The following DPP10 variants were observed in gnomAD, a reference collection of about 807,000 sequenced individuals.
DPP10 encodes the protein dipeptidyl peptidase like 10.
Under a neutral mutation model 120.9 loss-of-function variants are expected in DPP10, and 33 were observed. The ratio of observed to expected loss-of-function variants is 0.27; its 90% CI spans 0.21 to 0.37. DPP10 has a LOEUF of 0.37. Among genes scored for constraint, DPP10 ranks in the 10% least tolerant of loss-of-function variants. The pLI is 1.00. For synonymous variants in DPP10, 337 were observed against 326.1 expected, an observed-to-expected ratio of 1.03 and a Z score of -0.36; for missense variants, 816 against 942.8, an observed-to-expected ratio of 0.87 and a Z score of 1.76.
chr2:115,772,060 A>G (rs547731942), intron 13 of DPP10, among the ~76,000 whole-genome samples: 48 of 152,156 alleles, frequency 3.2e-4, no homozygotes, highest in Middle Eastern at 3.4e-3. Flanking sequence ...GGATACAAAT[A>G]AAAAGAGAAA....
intron 1 of DPP10, among the ~76,000 whole-genome samples, chr2:114,509,324 T>A (rs1254187454): frequency 3.9e-5 from 6 of 152,346 alleles, no homozygotes; most frequent in African/African-American, 1.2e-4. Flanking sequence ...GAATCCTAAC[T>A]ACCTACCTAC....
Position 114,442,652 on chromosome 2 carries a change from A to C in DPP10, c.-127A>C. 9.7e-7 allele frequency: 1 copy of C among 1,029,658 alleles called. No individual in the cohort carries two copies. Among genetic ancestry groups the C allele is most frequent in the Non-Finnish European group, 1.5e-6 (1 of 682,004 alleles). 63.8% of individuals were successfully genotyped at this position (1,029,658 alleles called of 1,614,324 possible). On this transcript the variant is annotated 5_prime_UTR_variant, in exon 1 of 26. Transcript: ENST00000410059. The stretch of plus-strand genomic sequence containing the variant: ...GAAGCAGCAGAAACAGAAGCAGCAG[A>C]AGCAACAGCAGTAGCAGCGGCAGCA...
At chr2:114,536,293 C>T (rs1404977125) in intron 1 of DPP10, among the ~76,000 whole-genome samples, 1 of 152,160 alleles carries the variant, frequency 6.6e-6, no homozygotes, top group African/African-American at 2.4e-5. Context: ...AATGTTTTAC[C>T]CATTTCCATA....
chr2:115,563,978 C>G (rs2080843506), intron 5 of DPP10, among the ~76,000 whole-genome samples: 1 of 152,022 alleles, frequency 6.6e-6, no homozygotes, highest in Non-Finnish European at 1.5e-5. Context: ...ATTTGTAGGA[C>G]CTTGATAACA....
chr2:115,725,637 A>G (rs2092749272), intron 7 of DPP10, among the ~76,000 whole-genome samples: 1 of 152,122 alleles, frequency 6.6e-6, no homozygotes, highest in Non-Finnish European at 1.5e-5. Context: ...TTTGACTTAG[A>G]TTTTATTCCC....
chr2:115,103,001 T>C (rs2048767839), intron 1 of DPP10, among the ~76,000 whole-genome samples: 1 of 152,200 alleles, frequency 6.6e-6, no homozygotes, highest in African/African-American at 2.4e-5. Flanking sequence ...GTTCTTGTTA[T>C]GTTAGAAATA....
chr2:115,449,420 A>G (rs1321051032), intron 3 of DPP10, among the ~76,000 whole-genome samples: 2 of 152,136 alleles, frequency 1.3e-5, no homozygotes, highest in African/African-American at 4.8e-5. Context: ...TTATTGAGAC[A>G]ATTCTATTAA....
At chr2:115,717,953 C>T (rs1429805053) in intron 7 of DPP10, among the ~76,000 whole-genome samples, 2 of 152,028 alleles carry the variant, frequency 1.3e-5, no homozygotes, top group Non-Finnish European at 2.9e-5. Context: ...TCACATAATA[C>T]AAGGATCCTC....
chr2:114,740,146 G>T lies in DPP10; in HGVS notation c.60+297308G>T, dbSNP rs569402540. ...TGATAGACTGGATTAAGAAAATGTG[G>T]CACATATACACCATGGAATACTATG... On this transcript the variant is annotated intron_variant, in intron 1 of 25. Coordinates refer to ENST00000410059, the MANE Select transcript of DPP10 (RefSeq NM_020868.6). 2.0e-5 allele frequency among the ~76,000 whole-genome samples: 3 copies of T among 151,170 alleles called. No homozygotes were observed. In the South Asian group the frequency reaches 6.3e-4, roughly 32 times the overall value.
intron 1 of DPP10, among the ~76,000 whole-genome samples, chr2:114,607,503 T>C (rs1692915638): frequency 6.6e-6 from 1 of 152,202 alleles, no homozygotes; most frequent in Admixed American, 6.5e-5. Context: ...CTGTAGCTGA[T>C]TCATGCAAAT....
chr2:114,668,392 C>A (rs1417246217), intron 1 of DPP10, among the ~76,000 whole-genome samples: 1 of 152,192 alleles, frequency 6.6e-6, no homozygotes, highest in East Asian at 1.9e-4. Flanking sequence ...TTTTTATTCT[C>A]TTCAGGCCTT....
intron 15 of DPP10, among the ~76,000 whole-genome samples, chr2:115,778,675 T>C (rs1682405726): frequency 1.3e-5 from 2 of 152,064 alleles, no homozygotes; most frequent in African/African-American, 4.8e-5. Flanking sequence ...TCTTACCGAG[T>C]AGTACTGACT....
At chr2:114,703,154 T>A (rs1700486088) in intron 1 of DPP10, among the ~76,000 whole-genome samples, 1 of 152,072 alleles carries the variant, frequency 6.6e-6, no homozygotes. Context: ...ATATGGAAAG[T>A]TATATGTTGT....
At chr2:114,450,887 C>A (rs553823539) in intron 1 of DPP10, among the ~76,000 whole-genome samples, 3 of 152,044 alleles carry the variant, frequency 2.0e-5, no homozygotes, top group African/African-American at 7.2e-5. Context: ...TTCAGGGGGA[C>A]TGTTTGTTCT....
At chr2:115,358,788 A>G (rs116700755) in intron 3 of DPP10, among the ~76,000 whole-genome samples, 1 of 152,148 alleles carries the variant, frequency 6.6e-6, no homozygotes. Flanking sequence ...GGCAACTTAC[A>G]ATTATGGTAG....
chr2:115,204,580 G>T (rs138489973), intron 1 of DPP10, among the ~76,000 whole-genome samples: 1 of 152,108 alleles, frequency 6.6e-6, no homozygotes, highest in Non-Finnish European at 1.5e-5. Context: ...TTTAGAAATG[G>T]GAATCTGAGG....
In DPP10 at chr2:115,774,566, G is replaced by A. The variant is rs147880655; in HGVS notation, c.1222-2642G>A. Among the ~76,000 whole-genome samples the A allele has an allele frequency of 7.8e-4, 119 of 152,174 alleles. 1 individual carries two copies. Among genetic ancestry groups the A allele is most frequent in the Non-Finnish European group, 1.2e-3 (84 of 67,996 alleles). On this transcript the variant is annotated intron_variant, in intron 13 of 25. Transcript: ENST00000410059. ...GCAGTTCTCATATCTCACAAATTGG[G>A]TGTCTTTGCACTTATACCTCTAGTC... is the stretch of plus-strand genomic sequence containing the variant.
chr2:115,321,521 T>G (rs1472034198), intron 2 of DPP10, among the ~76,000 whole-genome samples: 1 of 150,300 alleles, frequency 6.7e-6, no homozygotes, highest in African/African-American at 2.4e-5. Context: ...TAGTGTTTTT[T>G]TTTTTTTTTT....
chr2:114,874,354 T>C (rs2106572941), intron 1 of DPP10, among the ~76,000 whole-genome samples: 1 of 152,220 alleles, frequency 6.6e-6, no homozygotes, highest in East Asian at 1.9e-4. Flanking sequence ...ATCCTAATCA[T>C]CAAGGTCAAA....
Sources: allele counts gnomAD v4.1 joint callset (sites outside exome capture counted in the v4.1 genomes callset), GRCh38; gene constraint gnomAD v4.1.1; transcripts MANE v1.5; gene names NCBI Gene and HGNC (gene_info 2026-07-23, HGNC 2026-07-21).